The following NREP variants were observed in gnomAD, a reference collection of about 807,000 sequenced individuals.
The protein encoded by NREP is neuronal regeneration-related protein.
NREP carries 5 observed loss-of-function variants against 8.6 expected under a neutral mutation model. That is an observed-to-expected ratio of 0.58 (90% CI 0.30 to 1.22). The LOEUF is 1.22. Ranked by LOEUF, NREP falls within the 50% of genes most tolerant of loss-of-function variation. NREP has a pLI of 0.07. For synonymous variants in NREP, 27 were observed against 28.0 expected, an observed-to-expected ratio of 0.96 and a Z score of 0.11; for missense variants, 86 against 82.5, an observed-to-expected ratio of 1.04 and a Z score of -0.17.
At chr5:111,976,107 T>A (rs139935581) in intron 1 of NREP, among the ~76,000 whole-genome samples, 1,578 of 152,290 alleles carry the variant, frequency 0.01, 83 homozygotes, top group Admixed American at 0.092. Context: ...TGTTTTGAGA[T>A]CTAACATTTT....
intron 2 of NREP, among the ~76,000 whole-genome samples, chr5:111,918,993 A>G (rs955584252): frequency 2.0e-5 from 3 of 152,156 alleles, no homozygotes; most frequent in Non-Finnish European, 4.4e-5. Context: ...CTGACAAAGA[A>G]CTAATATCCA....
upstream of NREP, among the ~76,000 whole-genome samples, chr5:111,760,103 A>G (rs996056452): frequency 1.3e-5 from 2 of 152,216 alleles, no homozygotes; most frequent in African/African-American, 4.8e-5. Context: ...CTTCAGTTAT[A>G]TTGACATTTG....
Position 111,922,568 on chromosome 5 carries a change from A to C in NREP, c.135+52706T>G, listed in dbSNP as rs555058659. 8.5e-5 allele frequency among the ~76,000 whole-genome samples: 13 copies of C among 152,248 alleles called. No individual in the cohort carries two copies. In the South Asian group the frequency reaches 2.5e-3, roughly 29 times the overall value. ...CCATTCTCTGAGCTCGATGGAGAAGAAGCCATCTGTTGAGGGAGGTGTTTT... is the reference window on the plus strand; with the variant it reads ...CCATTCTCTGAGCTCGATGGAGAAGCAGCCATCTGTTGAGGGAGGTGTTTT... On this transcript the variant is annotated intron_variant, in intron 2 of 3. Coordinates refer to the NREP transcript ENST00000395634.
intron 2 of NREP, among the ~76,000 whole-genome samples, chr5:111,831,542 T>C (rs1203997741): frequency 6.6e-6 from 1 of 152,166 alleles, no homozygotes; most frequent in Admixed American, 6.5e-5. Flanking sequence ...TGTTGGAACA[T>C]CCTTCTCAAA....
chr5:111,970,459 A>C (rs1342979170), intron 2 of NREP, among the ~76,000 whole-genome samples: 1 of 152,144 alleles, frequency 6.6e-6, no homozygotes, highest in Admixed American at 6.5e-5. Flanking sequence ...AAGGACTTCC[A>C]GGCCTCTAGC....
At chr5:111,762,281 A>T (rs976146062), upstream of NREP, among the ~76,000 whole-genome samples, 3 of 152,134 alleles carry the variant, frequency 2.0e-5, no homozygotes, top group African/African-American at 7.2e-5. Flanking sequence ...CAGGAAGAAA[A>T]GTGTCTATGG....
intron 2 of NREP, among the ~76,000 whole-genome samples, chr5:111,904,802 A>G (rs779871767): frequency 2.0e-5 from 3 of 152,066 alleles, no homozygotes; most frequent in Non-Finnish European, 4.4e-5. Flanking sequence ...CTTCTCTGTT[A>G]TCTCATTATC....
At chr5:111,782,570 A>G (rs1751517510) in intron 2 of NREP, among the ~76,000 whole-genome samples, 1 of 152,208 alleles carries the variant, frequency 6.6e-6, no homozygotes, top group South Asian at 2.1e-4. Flanking sequence ...TCTGTGAAAT[A>G]GAGCTGAAAA....
intron 2 of NREP, among the ~76,000 whole-genome samples, chr5:111,934,109 T>A (rs1339436190): frequency 6.6e-6 from 1 of 152,072 alleles, no homozygotes; most frequent in Non-Finnish European, 1.5e-5. Flanking sequence ...GTGCAGGGTC[T>A]ACGTGGCTTG....
chr5:111,815,568 T>TA (rs922534385), intron 2 of NREP, among the ~76,000 whole-genome samples: 7 of 151,762 alleles, frequency 4.6e-5, no homozygotes, highest in African/African-American at 1.2e-4. Flanking sequence ...AGAGTATCTA[T>TA]AAAAAATCAA....
At chr5:111,921,724 G>C (rs1436428890) in intron 2 of NREP, among the ~76,000 whole-genome samples, 1 of 152,110 alleles carries the variant, frequency 6.6e-6, no homozygotes, top group African/African-American at 2.4e-5. Flanking sequence ...TGGTTTGGCT[G>C]TGTCCCCATT....
chr5:111,946,072 G>A (rs989349395), intron 2 of NREP, among the ~76,000 whole-genome samples: 3 of 69,904 alleles, frequency 4.3e-5, no homozygotes, highest in Non-Finnish European at 7.7e-5. Flanking sequence ...AAGAGATTTT[G>A]ATCACACACA....
At chr5:111,883,892 C>A (rs899825999) in intron 2 of NREP, among the ~76,000 whole-genome samples, 2 of 151,820 alleles carry the variant, frequency 1.3e-5, no homozygotes, top group African/African-American at 4.8e-5. Flanking sequence ...AAATTCACAC[C>A]CTGACATCAC....
At chr5:111,851,578 T>C (rs1019841158) in intron 2 of NREP, among the ~76,000 whole-genome samples, 2 of 152,158 alleles carry the variant, frequency 1.3e-5, no homozygotes, top group Admixed American at 6.6e-5. Context: ...CTTTTGTGAC[T>C]ATTACTGCAA....
chr5:111,772,189 A>G (rs924492327), intron 2 of NREP, among the ~76,000 whole-genome samples: 7 of 152,270 alleles, frequency 4.6e-5, no homozygotes, highest in Non-Finnish European at 8.8e-5. Flanking sequence ...TTCTGCTTAA[A>G]TGTGATTCTT....
intron 2 of NREP, among the ~76,000 whole-genome samples, chr5:111,867,061 G>A (rs2112490324): frequency 6.6e-6 from 1 of 151,944 alleles, no homozygotes; most frequent in South Asian, 2.1e-4. Context: ...CGAGTTACTG[G>A]GTGCAGCACA....
At chr5:111,919,743 G>C (rs1049481261) in intron 2 of NREP, among the ~76,000 whole-genome samples, 19 of 152,044 alleles carry the variant, frequency 1.2e-4, no homozygotes, top group African/African-American at 3.9e-4. Flanking sequence ...ACTAGGAGAG[G>C]GATAACATTA....
intron 2 of NREP, among the ~76,000 whole-genome samples, chr5:111,916,224 G>A (rs1422797705): frequency 1.3e-5 from 2 of 152,012 alleles, no homozygotes; most frequent in Non-Finnish European, 2.9e-5. Context: ...TGATGATAGA[G>A]AGAGAGTCAT....
intron 2 of NREP, among the ~76,000 whole-genome samples, chr5:111,754,888 C>T (rs994968057): frequency 2.6e-5 from 4 of 152,144 alleles, no homozygotes; most frequent in Non-Finnish European, 5.9e-5. Flanking sequence ...ATTCCACCCT[C>T]GTTTCAAAGA....
Sources: gnomAD v4.1 joint callset for allele counts (sites outside exome capture counted in the v4.1 genomes callset) on GRCh38, gnomAD v4.1.1 for gene constraint, MANE v1.5 for transcripts, NCBI Gene and HGNC (gene_info 2026-07-23, HGNC 2026-07-21) for gene names.